MOGAT1: variants seen among roughly 807,000 people sequenced by gnomAD.
MOGAT1 encodes the protein 2-acylglycerol O-acyltransferase 1.
In MOGAT1, 32 loss-of-function variants were observed where a neutral mutation model predicts 31.4. That is an observed-to-expected ratio of 1.02 (90% CI 0.77 to 1.37). The LOEUF (loss-of-function observed/expected upper bound fraction) is 1.37, where lower values mean the gene tolerates loss of function less well. Among genes scored for constraint, MOGAT1 ranks in the 40% most tolerant of loss-of-function variants. The pLI, the probability that MOGAT1 is intolerant of heterozygous loss-of-function variation, is 0.00. For synonymous variants in MOGAT1, 145 were observed against 144.5 expected, an observed-to-expected ratio of 1.00 and a Z score of -0.03; for missense variants, 426 against 402.0, an observed-to-expected ratio of 1.06 and a Z score of -0.51.
chr2:222,675,579 A>C (rs1339886310), intron 1 of MOGAT1, among the ~76,000 whole-genome samples: 1 of 146,746 alleles, frequency 6.8e-6, no homozygotes, highest in Non-Finnish European at 1.5e-5. Context: ...TCCCGGGTTC[A>C]TGCCATTCTC....
intron 5 of MOGAT1, among the ~76,000 whole-genome samples, chr2:222,702,049 C>T (rs895981672): frequency 6.6e-5 from 10 of 152,176 alleles, no homozygotes; most frequent in Non-Finnish European, 1.3e-4. Flanking sequence ...GTAAAGGCCT[C>T]CTGCCTAGCT....
intron 2 of MOGAT1, 84 bp from the exon 3 acceptor site, chr2:222,689,181 A>G (rs1026928422): frequency 3.4e-5 from 42 of 1,225,286 alleles, no homozygotes; most frequent in Non-Finnish European, 4.5e-5. Context: ...TTCTCTTGAC[A>G]TAAAAACTAG....
At chr2:222,705,403 T>A (rs1298678069) in intron 5 of MOGAT1, among the ~76,000 whole-genome samples, 4 of 152,180 alleles carry the variant, frequency 2.6e-5, no homozygotes, top group Non-Finnish European at 1.5e-5. Context: ...TTGCACTGAT[T>A]CCAGTGCCTC....
intron 5 of MOGAT1, among the ~76,000 whole-genome samples, chr2:222,705,898 G>A (rs1692998902): frequency 6.6e-6 from 1 of 152,116 alleles, no homozygotes; most frequent in African/African-American, 2.4e-5. Context: ...CCTGAGATGG[G>A]CTTTTTTGAA....
At chr2:222,682,811 C>T (rs74886593) in intron 1 of MOGAT1, among the ~76,000 whole-genome samples, 1,822 of 152,210 alleles carry the variant, frequency 0.012, 39 homozygotes, top group African/African-American at 0.042. Flanking sequence ...TGATGTTAAA[C>T]AAAGGTCTAC....
At chr2:222,687,321 G>A (rs1306099761) in intron 1 of MOGAT1, among the ~76,000 whole-genome samples, 3 of 152,012 alleles carry the variant, frequency 2.0e-5, no homozygotes, top group Non-Finnish European at 4.4e-5. Context: ...GAGTTTGGGG[G>A]TGGAAATGAA....
intron 5 of MOGAT1, among the ~76,000 whole-genome samples, chr2:222,696,544 G>A (rs983920333): frequency 2.0e-5 from 3 of 152,080 alleles, no homozygotes; most frequent in Non-Finnish European, 4.4e-5. Context: ...TCATATGTTT[G>A]TTGACCATTT....
At chr2:222,708,611 AAC>A (rs1028498742) in intron 5 of MOGAT1, among the ~76,000 whole-genome samples, 8 of 152,238 alleles carry the variant, frequency 5.3e-5, no homozygotes, top group African/African-American at 1.9e-4. Context: ...AAATTTATAT[AAC>A]ACAGTTAGAG....
intron 5 of MOGAT1, among the ~76,000 whole-genome samples, chr2:222,709,496 C>G (rs1693080142): frequency 6.6e-6 from 1 of 152,182 alleles, no homozygotes; most frequent in African/African-American, 2.4e-5. Flanking sequence ...TCATTTGACT[C>G]AAAGTCAAAA....
intron 2 of MOGAT1, 82 bp from the exon 3 acceptor site, chr2:222,689,182 TA>T: frequency 1.6e-6 from 2 of 1,231,064 alleles, no homozygotes; most frequent in Non-Finnish European, 2.2e-6. Flanking sequence ...TCTCTTGACA[TA>T]AAAACTAGTC....
At chr2:222,707,894 C>T (rs1478522786) in intron 5 of MOGAT1, among the ~76,000 whole-genome samples, 1 of 152,138 alleles carries the variant, frequency 6.6e-6, no homozygotes, top group Non-Finnish European at 1.5e-5. Context: ...TAACCACCTA[C>T]TCTTACTGAC....
At chr2:222,681,907 G>T (rs754641935) in intron 1 of MOGAT1, among the ~76,000 whole-genome samples, 2 of 152,176 alleles carry the variant, frequency 1.3e-5, no homozygotes, top group African/African-American at 2.4e-5. Context: ...GGAACTGGAG[G>T]CAGAGACCAA....
At chr2:222,709,141 C>T (rs1336194259) in intron 5 of MOGAT1, among the ~76,000 whole-genome samples, 1 of 152,024 alleles carries the variant, frequency 6.6e-6, no homozygotes, top group African/African-American at 2.4e-5. Context: ...GGCAAAACCC[C>T]GTCTCTACTG....
chr2:222,692,710 T>C (rs1270223374), intron 3 of MOGAT1, among the ~76,000 whole-genome samples: 1 of 151,968 alleles, frequency 6.6e-6, no homozygotes, highest in African/African-American at 2.4e-5. Context: ...AATCCATGGG[T>C]GTAGATGAGG....
At chr2:222,704,515 T>C (rs1692975265) in intron 5 of MOGAT1, among the ~76,000 whole-genome samples, 1 of 151,854 alleles carries the variant, frequency 6.6e-6, no homozygotes, top group African/African-American at 2.4e-5. Context: ...TCCCAGCTAC[T>C]CGGGAGGCTG....
At chr2:222,675,484 T>TC (rs1243082970) in intron 1 of MOGAT1, among the ~76,000 whole-genome samples, 1 of 148,952 alleles carries the variant, frequency 6.7e-6, no homozygotes, top group South Asian at 2.1e-4. Flanking sequence ...TCTTTTTCTT[T>TC]TTTTTTTTTT....
intron 5 of MOGAT1, among the ~76,000 whole-genome samples, chr2:222,706,374 G>A (rs1693003577): frequency 6.6e-6 from 1 of 151,864 alleles, no homozygotes; most frequent in Non-Finnish European, 1.5e-5. Context: ...TTGGGAGGCT[G>A]AGGCAGGAGA....
chr2:222,682,499 T>C (rs1692596405), intron 1 of MOGAT1, among the ~76,000 whole-genome samples: 10 of 152,226 alleles, frequency 6.6e-5, no homozygotes, highest in Admixed American at 6.5e-4. Context: ...GGTGATGGAA[T>C]GTATTTCCCA....
rs1247501629 is a variant in MOGAT1 at position 222,694,396 on chromosome 2, C to T, written c.513C>T (p.Tyr171=). The T allele has an allele frequency of 7.4e-6, 12 of 1,613,158 alleles. No homozygotes were observed. Among genetic ancestry groups the T allele is most frequent in the Non-Finnish European group, 1.0e-5 (12 of 1,179,520 alleles). ...LVSVSKKSVS[Y]MVSKEGGGNI... ...CAGTTTCCAAGAAAAGTGTGTCCTA[C>T]ATGGTAAGCAAGGAGGGAGGTGGAA... Residue 171 remains tyrosine, a synonymous_variant, in exon 4 of 6, where the codon TAC becomes TAT. Transcript: ENST00000446656.
Sources: allele counts gnomAD v4.1 joint callset (sites outside exome capture counted in the v4.1 genomes callset), GRCh38; gene constraint gnomAD v4.1.1; transcripts MANE v1.5; gene names NCBI Gene and HGNC (gene_info 2026-07-23, HGNC 2026-07-21).